Variants in DMGDH observed in about 807,000 individuals in gnomAD.
The protein encoded by DMGDH is dimethylglycine dehydrogenase, mitochondrial.
DMGDH carries 76 observed loss-of-function variants against 95.2 expected under a neutral mutation model. That is an observed-to-expected ratio of 0.80 (90% CI 0.66 to 0.97). DMGDH has a LOEUF of 0.97. Ranked by LOEUF, DMGDH falls within the 50% of genes least tolerant of loss-of-function variation. The pLI is 0.00. For synonymous variants in DMGDH, 345 were observed against 377.6 expected, an observed-to-expected ratio of 0.91 and a Z score of 1.00; for missense variants, 987 against 1,055.0, an observed-to-expected ratio of 0.94 and a Z score of 0.89.
chr5:78,997,857 T>G lies in DMGDH; in HGVS notation c.*225A>C. 1.8e-6 allele frequency: 1 copy of G among 565,586 alleles called. No individual in the cohort carries two copies. The highest frequency in any genetic ancestry group is 3.1e-6 in the Non-Finnish European group (1 of 321,932). The allele number at this position is 565,586 out of a possible 1,614,324, so 35.0% of individuals were successfully genotyped here. ...TAATGTGGGGTAAATAAAAAAACAT[T>G]CATTTCAAATTTCTTCATTTAAAAG... On this transcript the variant is annotated 3_prime_UTR_variant, in exon 16 of 16. Transcript: ENST00000255189.
intron 7 of DMGDH, 130 bp from the exon 8 acceptor site, chr5:79,033,538 C>T: frequency 1.8e-6 from 2 of 1,101,452 alleles, no homozygotes; most frequent in South Asian, 1.3e-5. Context: ...GTAACATAAT[C>T]TCTATGGAAC....
intron 2 of DMGDH, among the ~76,000 whole-genome samples, chr5:79,059,187 C>T (rs1561230269): frequency 6.6e-6 from 1 of 152,186 alleles, no homozygotes; most frequent in Non-Finnish European, 1.5e-5. Flanking sequence ...TTATTAAGAA[C>T]ATTTTAGCAA....
intron 8 of DMGDH, 99 bp downstream of exon 8, chr5:79,033,140 C>T: frequency 6.8e-7 from 1 of 1,479,520 alleles, no homozygotes; most frequent in Non-Finnish European, 9.4e-7. Context: ...TCCCTAACTA[C>T]CGCCATCCCA....
At chr5:79,021,762 T>C (rs906410323) in intron 14 of DMGDH, 5 of 1,241,264 alleles carry the variant, frequency 4.0e-6, no homozygotes, top group East Asian at 5.6e-5. Context: ...ATACAAACAA[T>C]ATATGTTACC....
intron 2 of DMGDH, among the ~76,000 whole-genome samples, chr5:79,062,406 T>G (rs1329243963): frequency 6.7e-6 from 1 of 149,066 alleles, no homozygotes; most frequent in Admixed American, 6.8e-5. Context: ...CCCTATACTT[T>G]GAGCACATAC....
intron 6 of DMGDH, among the ~76,000 whole-genome samples, chr5:79,042,803 A>G (rs1440297935): frequency 6.6e-6 from 1 of 152,202 alleles, no homozygotes; most frequent in Non-Finnish European, 1.5e-5. Flanking sequence ...TGGTTTGTCA[A>G]GAAGATCGTT....
Position 79,053,344 on chromosome 5 carries a change from G to A in DMGDH, c.540+840C>T, listed in dbSNP as rs1042354773. On this transcript the variant is annotated intron_variant, in intron 4 of 15. Transcript: ENST00000255189. ...CAGTTAATTTTGTGTGTGTGTGTGAGTGTGTGAGACGAGGTCTCAGTATGT... is the reference window on the plus strand; with the variant it reads ...CAGTTAATTTTGTGTGTGTGTGTGAATGTGTGAGACGAGGTCTCAGTATGT... Among the ~76,000 whole-genome samples, 3 of 152,126 alleles carry A rather than the reference G, an allele frequency of 2.0e-5. No individual in the cohort carries two copies. In the South Asian group the frequency reaches 6.2e-4, roughly 32 times the overall value.
Position 79,042,297 on chromosome 5 carries a change from C to T in DMGDH, c.1179G>A (p.Val393=), listed in dbSNP as rs749585784. ...GPHQGVRNYW[V]AIGFGYGIIH... ...AAGATACTTACCCAAAGCCTATAGC[C>T]ACCCAGTAGTTTCTGACCCCCTGAT... Residue 393 remains valine (V), a synonymous_variant, in exon 7 of 16, where the codon GTG becomes GTA. Coordinates refer to ENST00000255189, the MANE Select transcript of DMGDH (RefSeq NM_013391.3). 3.7e-6 allele frequency: 6 copies of T among 1,614,012 alleles called. No individual in the cohort carries two copies. The highest frequency in any genetic ancestry group is 5.1e-6 in the Non-Finnish European group (6 of 1,179,990).
At chr5:79,051,532 T>A in intron 4 of DMGDH, 41 bp from the exon 5 acceptor site, 1 of 1,527,384 alleles carries the variant, frequency 6.5e-7, no homozygotes, top group Non-Finnish European at 9.0e-7. Flanking sequence ...AATATATATA[T>A]ACTTATTACT....
At chr5:79,033,100 T>C in intron 8 of DMGDH, 139 bp downstream of exon 8, 2 of 1,089,724 alleles carry the variant, frequency 1.8e-6, no homozygotes, top group Non-Finnish European at 1.4e-6. Context: ...TATTCCTTGT[T>C]ATGTCTCAGG....
chr5:79,068,535 T>C (rs922897604), intron 1 of DMGDH, among the ~76,000 whole-genome samples: 4 of 152,298 alleles, frequency 2.6e-5, no homozygotes, highest in Non-Finnish European at 5.9e-5. Context: ...TTCCCAGTAC[T>C]GGAGACAAAC....
intron 14 of DMGDH, chr5:79,021,083 C>T (rs2112611848): frequency 1.0e-6 from 1 of 986,158 alleles, no homozygotes; most frequent in Non-Finnish European, 1.2e-6. Context: ...TGATATGAGT[C>T]GTTTCAGGTG....
intron 2 of DMGDH, among the ~76,000 whole-genome samples, chr5:79,058,124 C>T (rs7705204): frequency 0.071 from 10,858 of 152,232 alleles, 867 homozygotes; most frequent in African/African-American, 0.18. Flanking sequence ...CAACAGTATA[C>T]CCAGTTCTAC....
At chr5:79,006,490 C>G (rs1270562643) in intron 14 of DMGDH, among the ~76,000 whole-genome samples, 1 of 152,166 alleles carries the variant, frequency 6.6e-6, no homozygotes, top group East Asian at 1.9e-4. Context: ...TATGAGACTT[C>G]TGCATACTCT....
At chr5:79,042,776 A>T (rs78718680) in intron 6 of DMGDH, among the ~76,000 whole-genome samples, 12,933 of 44,348 alleles carry the variant, frequency 0.29, 592 homozygotes, top group Middle Eastern at 0.35. Context: ...AGTTTTTTTT[A>T]AAAAAAAACT....
intron 2 of DMGDH, among the ~76,000 whole-genome samples, chr5:79,056,549 T>C (rs73132134): frequency 0.075 from 10,740 of 142,352 alleles, 852 homozygotes; most frequent in African/African-American, 0.19. Flanking sequence ...TCTCAATAAA[T>C]AAATAAATAA....
chr5:79,063,548 G>A, intron 2 of DMGDH, 65 bp downstream of exon 2: 1 of 1,599,356 alleles, frequency 6.3e-7, no homozygotes, highest in Non-Finnish European at 8.6e-7. Context: ...GTTGTGAACG[G>A]GAAGGAAATG....
At chr5:79,050,222 C>T (rs495544) in intron 5 of DMGDH, among the ~76,000 whole-genome samples, 86,379 of 129,842 alleles carry the variant, frequency 0.67, 28,235 homozygotes, top group East Asian at 0.8. Context: ...CACTCCAGCC[C>T]GGGGCACAAG....
At chr5:79,026,284 C>T in intron 13 of DMGDH, 140 bp downstream of exon 13, 2 of 1,054,630 alleles carry the variant, frequency 1.9e-6, no homozygotes, top group Non-Finnish European at 2.8e-6. Flanking sequence ...AAAACCTCTT[C>T]CCCTAATGAA....
Sources: gnomAD v4.1 joint callset for allele counts (sites outside exome capture counted in the v4.1 genomes callset) on GRCh38, gnomAD v4.1.1 for gene constraint, MANE v1.5 for transcripts, NCBI Gene and HGNC (gene_info 2026-07-23, HGNC 2026-07-21) for gene names.